ZDHHC11B: variants seen among roughly 807,000 people sequenced by gnomAD.
ZDHHC11B encodes the protein zDHHC palmitoyltransferase 11B (putative).
ZDHHC11B carries 17 observed loss-of-function variants against 42.3 expected under a neutral mutation model. The observed-to-expected ratio is 0.40, with a 90% confidence interval of 0.27 to 0.60. ZDHHC11B has a LOEUF of 0.60. Ranked by LOEUF, ZDHHC11B falls within the 20% of genes least tolerant of loss-of-function variation. ZDHHC11B has a pLI of 0.41. For synonymous variants in ZDHHC11B, 123 were observed against 193.5 expected, an observed-to-expected ratio of 0.64 and a Z score of 3.02; for missense variants, 262 against 463.2, an observed-to-expected ratio of 0.57 and a Z score of 3.99.
In ZDHHC11B at chr5:766,720, G is replaced by T; in HGVS notation, c.200C>A (p.Ser67Ter). The change falls in exon 4 of 14, where the codon TCG becomes TAG. Residue 67 changes from serine (S) to a stop codon, truncating the protein, a stop_gained. Transcript: ENST00000508859. LOFTEE classifies it high-confidence loss of function. The stretch of plus-strand genomic sequence containing the variant: ...TACCACATAGGCGATGTATTTCCAC[G>T]AGTGAGGCAGGAGGGGAATGAAGAT... ...FRIFIPLLPH[S>*]WKYIAYVVTG... 6.2e-7 allele frequency: 1 copy of T among 1,610,868 alleles called. No individual in the cohort carries two copies.
At position 746,479 on chromosome 5, in the gene ZDHHC11B, G is replaced by A. The variant is rs571816153; in HGVS notation, c.785-1181C>T. 2.0e-4 allele frequency among the ~76,000 whole-genome samples: 26 copies of A among 131,406 alleles called. 6 individuals are homozygous for A. Among genetic ancestry groups the A allele is most frequent in the African/African-American group, 6.5e-4 (26 of 40,198 alleles). The allele number at this position is 131,406 out of a possible 152,430, so 86.2% of individuals were successfully genotyped here. ...GGCATCCTGCCTCCTGCCCACAGCA[G>A]CCGCCTGCCTGTCCTTTCATGTTTC... On this transcript the variant is annotated intron_variant, in intron 8 of 13. Transcript: ENST00000508859.
At chr5:729,655 G>C (rs1320427738) in intron 12 of ZDHHC11B, among the ~76,000 whole-genome samples, 3 of 150,870 alleles carry the variant, frequency 2.0e-5, no homozygotes, top group African/African-American at 7.3e-5. Context: ...AATGGTTCTA[G>C]ATGAAACTTT....
At chr5:744,981 G>A (rs544326809) in intron 9 of ZDHHC11B, among the ~76,000 whole-genome samples, 1 of 136,872 alleles carries the variant, frequency 7.3e-6, no homozygotes, top group Admixed American at 7.5e-5. Context: ...TAGGAAGTCC[G>A]TGGTGCATGA....
At chr5:715,016 CCTT>C (rs1741646374) in intron 13 of ZDHHC11B, among the ~76,000 whole-genome samples, 1 of 150,152 alleles carries the variant, frequency 6.7e-6, no homozygotes, top group Non-Finnish European at 1.5e-5. Context: ...GCTCCCTTCA[CCTT>C]CTGCTGTTAG....
At chr5:743,718 C>T (rs1227619386) in intron 9 of ZDHHC11B, among the ~76,000 whole-genome samples, 21 of 149,712 alleles carry the variant, frequency 1.4e-4, no homozygotes, top group African/African-American at 4.2e-4. Flanking sequence ...TCGAGATGTG[C>T]GAGTGTGTAT....
chr5:716,743 C>T (rs1168812859), intron 13 of ZDHHC11B, 58 bp downstream of exon 13: 1 of 1,606,868 alleles, frequency 6.2e-7, no homozygotes, highest in Non-Finnish European at 8.5e-7. Flanking sequence ...ATATTTCACT[C>T]TCTAGAGAAC....
chr5:761,609 C>T (rs1734620842), intron 4 of ZDHHC11B, among the ~76,000 whole-genome samples: 1 of 151,876 alleles, frequency 6.6e-6, no homozygotes, highest in Non-Finnish European at 1.5e-5. Flanking sequence ...GCAGTGTGTG[C>T]CGGGTGGACA....
chr5:757,659 C>T (rs749419904), intron 4 of ZDHHC11B, among the ~76,000 whole-genome samples: 5 of 151,996 alleles, frequency 3.3e-5, no homozygotes, highest in Non-Finnish European at 5.9e-5. Flanking sequence ...CAGGATGCAC[C>T]GCACACCCTG....
intron 4 of ZDHHC11B, among the ~76,000 whole-genome samples, chr5:763,960 C>T (rs535800883): frequency 3.5e-4 from 53 of 151,958 alleles, no homozygotes; most frequent in African/African-American, 8.7e-4. Context: ...CCTGCGGGTC[C>T]GCTTGACTGT....
At chr5:761,416 G>A (rs1355959373) in intron 4 of ZDHHC11B, among the ~76,000 whole-genome samples, 1 of 151,880 alleles carries the variant, frequency 6.6e-6, no homozygotes, top group Non-Finnish European at 1.5e-5. Context: ...GGCTTTGGGG[G>A]TATGGGGACT....
intron 4 of ZDHHC11B, among the ~76,000 whole-genome samples, chr5:759,955 G>T (rs1251165698): frequency 3.3e-5 from 5 of 151,922 alleles, no homozygotes; most frequent in African/African-American, 1.2e-4. Context: ...GGCATGGGGA[G>T]TGCAGCCGGG....
intron 13 of ZDHHC11B, among the ~76,000 whole-genome samples, chr5:714,224 T>C (rs72503626): frequency 0.038 from 4,362 of 114,596 alleles, 102 homozygotes; most frequent in African/African-American, 0.078. Context: ...TCCTTCTTTC[T>C]TTCCCCTCCC....
chr5:764,349 C>T (rs1579417064), intron 4 of ZDHHC11B, among the ~76,000 whole-genome samples: 2 of 149,860 alleles, frequency 1.3e-5, no homozygotes, highest in South Asian at 4.2e-4. Flanking sequence ...CTGGCCGAGG[C>T]CAGAGCCGGC....
chr5:748,092 T>C, intron 8 of ZDHHC11B: 2 of 507,470 alleles, frequency 3.9e-6, no homozygotes, highest in Non-Finnish European at 6.7e-6. Flanking sequence ...CCATTCCATT[T>C]TCTCTGAACA....
At position 710,608 on chromosome 5, in the gene ZDHHC11B, T is replaced by TTCACAGTACTGTGTGCTCCCATA. The variant is rs1561104108; in HGVS notation, c.*1681_*1682insTATGGGAGCACACAGTACTGTGA. 129 of 154,280 alleles carry TTCACAGTACTGTGTGCTCCCATA rather than the reference T, an allele frequency of 8.4e-4. No homozygotes were observed. The highest frequency in any genetic ancestry group is 3.0e-3 in the African/African-American group (124 of 41,128). The allele number at this position is 154,280 out of a possible 1,614,324, so 9.6% of individuals were successfully genotyped here. A position where few individuals can be genotyped will look rare whatever the true frequency, so the allele number is the denominator to read the frequency against. On this transcript the variant is annotated 3_prime_UTR_variant, in exon 14 of 14. Coordinates refer to ENST00000508859, the MANE Select transcript of ZDHHC11B (RefSeq NM_001351303.2). The stretch of plus-strand genomic sequence containing the variant: ...ATTTCACAGTACTGTGTGCTCCCAT[T>TTCACAGTACTGTGTGCTCCCATA]TCTCAGTACTGGGCTCCCATTTCCC...
At chr5:776,576 C>T (rs7735192) in intron 1 of ZDHHC11B, among the ~76,000 whole-genome samples, 13,505 of 147,990 alleles carry the variant, frequency 0.091, 544 homozygotes, top group African/African-American at 0.27. Context: ...CTGGACAGCT[C>T]TCAGCTCGAG....
intron 10 of ZDHHC11B, among the ~76,000 whole-genome samples, chr5:735,766 T>C (rs1743443976): frequency 6.7e-6 from 1 of 149,846 alleles, no homozygotes; most frequent in South Asian, 2.2e-4. Flanking sequence ...CAACAAATGC[T>C]GAGAGAACTA....
intron 4 of ZDHHC11B, among the ~76,000 whole-genome samples, chr5:757,509 C>G (rs906702587): frequency 1.3e-5 from 2 of 151,888 alleles, no homozygotes; most frequent in African/African-American, 4.8e-5. Flanking sequence ...CTGGCACCAC[C>G]TTGGGGCATG....
At chr5:725,066 T>G (rs1220214547) in intron 12 of ZDHHC11B, among the ~76,000 whole-genome samples, 2 of 151,024 alleles carry the variant, frequency 1.3e-5, no homozygotes, top group African/African-American at 4.9e-5. Context: ...CAGCGTTGTG[T>G]GTCATAAAGC....
Sources: gnomAD v4.1 joint callset for allele counts (sites outside exome capture counted in the v4.1 genomes callset) on GRCh38, gnomAD v4.1.1 for gene constraint, MANE v1.5 for transcripts, NCBI Gene and HGNC (gene_info 2026-07-23, HGNC 2026-07-21) for gene names.